PRH1: variants seen among roughly 807,000 people sequenced by gnomAD.
The protein encoded by PRH1 is proline rich protein HaeIII subfamily 1.
In PRH1, 7 loss-of-function variants were observed where a neutral mutation model predicts 7.9. The observed-to-expected ratio is 0.89, with a 90% CI of 0.50 to 1.67. The LOEUF is 1.67. Ranked by LOEUF, PRH1 falls within the 40% of genes most tolerant of loss-of-function variation. PRH1 has a pLI of 0.00. For synonymous variants in PRH1, 45 were observed against 80.8 expected, an observed-to-expected ratio of 0.56 and a Z score of 2.38; for missense variants, 109 against 223.6, an observed-to-expected ratio of 0.49 and a Z score of 3.27.
intron 1 of PRH1, among the ~76,000 whole-genome samples, chr12:11,064,601 T>C: frequency 6.6e-6 from 1 of 152,126 alleles, no homozygotes; most frequent in Non-Finnish European, 1.5e-5. Context: ...TGTACTCCTG[T>C]CAGCTTTACC....
chr12:11,153,321 T>C (rs1265300902), intron 1 of PRH1, among the ~76,000 whole-genome samples: 1 of 152,206 alleles, frequency 6.6e-6, no homozygotes, highest in Non-Finnish European at 1.5e-5. Context: ...TTATCTCCTA[T>C]AGCAGAAGTA....
At chr12:11,100,840 TAATG>T (rs907817199) in intron 1 of PRH1, among the ~76,000 whole-genome samples, 2 of 152,144 alleles carry the variant, frequency 1.3e-5, no homozygotes, top group African/African-American at 4.8e-5. Context: ...TTTTTTTCTC[TAATG>T]GACAGCCAAA....
chr12:11,021,098 A>G (rs974603634), intron 1 of PRH1, among the ~76,000 whole-genome samples: 9 of 141,514 alleles, frequency 6.4e-5, no homozygotes, highest in African/African-American at 2.3e-4. Context: ...TACTCTACAT[A>G]TGTTTTTCAC....
In PRH1 at chr12:10,945,289, C is replaced by T. The variant is rs141531796; in HGVS notation, c.-59+28366G>A. Among the ~76,000 whole-genome samples the T allele has an allele frequency of 2.2e-3, 341 of 151,998 alleles. 2 individuals carry two copies. Among genetic ancestry groups the T allele is most frequent in the South Asian group, 8.8e-3 (42 of 4,800 alleles). ...CTTCCTGGTTCAGTCTTGGGAGTAT[C>T]GGGTGAAATTCACCCCCGATATTTC... On this transcript the variant is annotated intron_variant, in intron 2 of 3. Coordinates refer to the PRH1 transcript ENST00000539853.
chr12:11,121,981 TATC>T (rs1177643711), intron 1 of PRH1, among the ~76,000 whole-genome samples: 4 of 152,352 alleles, frequency 2.6e-5, no homozygotes, highest in East Asian at 1.9e-4. Flanking sequence ...TCAAATGAAA[TATC>T]ATACAATAAA....
rs372677799 is a variant in PRH1 at position 10,882,662 on chromosome 12, C to A, written c.137G>T (p.Arg46Leu). The change falls in exon 3 of 4, where the codon CGT becomes CTT. Residue 46 changes from arginine to leucine, a missense_variant. Coordinates refer to ENST00000543626, the MANE Select transcript of PRH1 (RefSeq NM_001393989.1). ...GDSEQFLDEE[R>L]QGPPLGGQQS... is the part of the protein sequence containing the mutation. ...CTGTCCTCCCAAAGGTGGTCCCTGACGCTCCTCATCTAGGAACTGCTCAGA... is the reference window on the plus strand; with the variant it reads ...CTGTCCTCCCAAAGGTGGTCCCTGAAGCTCCTCATCTAGGAACTGCTCAGA... The A allele has an allele frequency of 8.5e-5, 135 of 1,581,512 alleles. 2 individuals carry two copies. The highest frequency in any genetic ancestry group is 4.5e-4 in the Admixed American group (24 of 52,958).
intron 1 of PRH1, among the ~76,000 whole-genome samples, chr12:11,100,678 A>G (rs1945209163): frequency 6.6e-6 from 1 of 152,236 alleles, no homozygotes; most frequent in South Asian, 2.1e-4. Context: ...TTCTCAGCAA[A>G]CTATCACAAA....
chr12:10,943,123 T>C (rs1396538470), intron 2 of PRH1, among the ~76,000 whole-genome samples: 1 of 152,178 alleles, frequency 6.6e-6, no homozygotes, highest in African/African-American at 2.4e-5. Flanking sequence ...CATTTCCTGA[T>C]TTTTTTCTGC....
chr12:10,951,088 G>T (rs1038143618), intron 2 of PRH1, among the ~76,000 whole-genome samples: 12 of 152,068 alleles, frequency 7.9e-5, no homozygotes, highest in Non-Finnish European at 1.5e-4. Flanking sequence ...CTGCCTTTAT[G>T]GAAAAAATGT....
intron 2 of PRH1, among the ~76,000 whole-genome samples, chr12:10,946,746 C>G (rs116835040): frequency 9.2e-5 from 14 of 152,072 alleles, no homozygotes; most frequent in Middle Eastern, 3.4e-3. Flanking sequence ...TAATTTGAGG[C>G]CTTACAAACT....
At chr12:11,073,016 A>G (rs1383483642) in intron 1 of PRH1, among the ~76,000 whole-genome samples, 2 of 151,150 alleles carry the variant, frequency 1.3e-5, no homozygotes, top group African/African-American at 4.9e-5. Flanking sequence ...AACGTTAAAT[A>G]GAAATAAAAT....
At chr12:11,052,762 T>C (rs1259646447) in intron 1 of PRH1, among the ~76,000 whole-genome samples, 1 of 140,362 alleles carries the variant, frequency 7.1e-6, no homozygotes, top group Non-Finnish European at 1.6e-5. Context: ...TGGTTGACTC[T>C]TTCTATTGGA....
At chr12:11,065,089 T>A (rs1209030127) in intron 1 of PRH1, among the ~76,000 whole-genome samples, 1 of 151,992 alleles carries the variant, frequency 6.6e-6, no homozygotes, top group Non-Finnish European at 1.5e-5. Flanking sequence ...CTGAAAAAAA[T>A]ATCATTTTAA....
At chr12:11,031,437 C>T (rs1942211832) in intron 1 of PRH1, 2 of 1,365,128 alleles carry the variant, frequency 1.5e-6, no homozygotes, top group Non-Finnish European at 2.0e-6. Context: ...AATGGAGCCA[C>T]CGACCTTCAC....
At chr12:11,035,416 G>C (rs1942395578) in intron 1 of PRH1, among the ~76,000 whole-genome samples, 1 of 151,988 alleles carries the variant, frequency 6.6e-6, no homozygotes, top group Non-Finnish European at 1.5e-5. Context: ...TGTTTAACTG[G>C]TTTTTAACTC....
At chr12:11,002,487 C>T (rs1940640783) in intron 1 of PRH1, among the ~76,000 whole-genome samples, 1 of 151,992 alleles carries the variant, frequency 6.6e-6, no homozygotes, top group Non-Finnish European at 1.5e-5. Flanking sequence ...AAGTGCCCTA[C>T]AACAAAGAGT....
intron 1 of PRH1, among the ~76,000 whole-genome samples, chr12:10,989,977 A>G (rs995512247): frequency 6.6e-6 from 1 of 152,170 alleles, no homozygotes; most frequent in Non-Finnish European, 1.5e-5. Context: ...CTAAATTTTA[A>G]TGGCTTCTGA....
At position 11,167,886 on chromosome 12, in the gene PRH1, T is replaced by C. The variant is rs150439940; in HGVS notation, n.39+3536A>G. 9.3e-3 allele frequency among the ~76,000 whole-genome samples: 1,409 copies of C among 152,156 alleles called. 15 individuals are homozygous for C. The highest frequency in any genetic ancestry group is 0.017 in the Non-Finnish European group (1,138 of 67,988). The stretch of plus-strand genomic sequence containing the variant: ...TTCTCAAGCTGGTTTTCAAAATGCA[T>C]GCATAAATGCATGCTATATCATATT... On this transcript the variant is annotated intron_variant and non_coding_transcript_variant, in intron 1 of 1. Coordinates refer to the PRH1 transcript ENST00000541175.
At position 11,021,919 on chromosome 12, in the gene PRH1, T is replaced by C. The variant is rs770713225; in HGVS notation, c.-126+25101A>G. 8.7e-6 allele frequency: 14 copies of C among 1,614,200 alleles called. No homozygotes were observed. In the South Asian group the frequency reaches 1.5e-4, roughly 18 times the overall value. On this transcript the variant is annotated intron_variant, in intron 1 of 3. Transcript: ENST00000539853. ...TTTTATATGGACCTTGGTGCTGGGA[T>C]CTTGAGATCCTTTGCTATGGAGCCG...
Sources: allele counts gnomAD v4.1 joint callset (sites outside exome capture counted in the v4.1 genomes callset), GRCh38; gene constraint gnomAD v4.1.1; transcripts MANE v1.5; gene names NCBI Gene and HGNC (gene_info 2026-07-23, HGNC 2026-07-21).